The following RPA1 variants were observed in gnomAD, a reference collection of about 807,000 sequenced individuals.
The protein encoded by RPA1 is replication protein A1, also known as replication protein A 70 kDa DNA-binding subunit.
Under a neutral mutation model 83.0 loss-of-function variants are expected in RPA1, and 49 were observed. The ratio of observed to expected loss-of-function variants is 0.59; its 90% CI spans 0.47 to 0.75. The LOEUF is 0.75. RPA1 is among the 30% of genes least tolerant of loss of function. The pLI, the probability that RPA1 is intolerant of heterozygous loss-of-function variation, is 0.00. For synonymous variants in RPA1, 279 were observed against 281.8 expected (o/e 0.99, Z 0.10); for missense variants, 693 against 776.1 (o/e 0.89, Z 1.27).
intron 3 of RPA1, among the ~76,000 whole-genome samples, 175 bp downstream of exon 3, chr17:1,844,173 A>G (rs1436327618): frequency 6.6e-6 from 1 of 152,178 alleles, no homozygotes; most frequent in Non-Finnish European, 1.5e-5. Context: ...GACTGGAGGT[A>G]GTGGAAAGCT....
chr17:1,892,048 C>G (rs1914222750), intron 15 of RPA1, 108 bp downstream of exon 15: 6 of 644,826 alleles, frequency 9.3e-6, no homozygotes, highest in Non-Finnish European at 1.5e-5. Flanking sequence ...GCCCTGTTTC[C>G]TAGGCTGGAG....
chr17:1,862,128 G>A (rs1166255577), intron 5 of RPA1, among the ~76,000 whole-genome samples: 2 of 148,694 alleles, frequency 1.3e-5, no homozygotes, highest in African/African-American at 2.5e-5. Context: ...TCCTGACCTC[G>A]TGATCTGCCC....
chr17:1,878,555 G>A (rs1457939550), intron 8 of RPA1, among the ~76,000 whole-genome samples: 2 of 152,162 alleles, frequency 1.3e-5, no homozygotes, highest in Non-Finnish European at 2.9e-5. Context: ...CAATGGCTCC[G>A]AATGTGAAGT....
At chr17:1,889,776 C>G (rs17339116) in intron 14 of RPA1, among the ~76,000 whole-genome samples, 1 of 151,118 alleles carries the variant, frequency 6.6e-6, no homozygotes, top group Non-Finnish European at 1.5e-5. Context: ...GAGGCGGGTG[C>G]GTCACCTGAG....
At chr17:1,833,910 A>G (rs953448984) in intron 1 of RPA1, among the ~76,000 whole-genome samples, 11 of 152,208 alleles carry the variant, frequency 7.2e-5, no homozygotes, top group Admixed American at 6.5e-4. Flanking sequence ...GGCCAGGCGC[A>G]GTGGCTCATG....
chr17:1,852,822 TTG>T (rs1912546727), intron 4 of RPA1, among the ~76,000 whole-genome samples: 1 of 152,258 alleles, frequency 6.6e-6, no homozygotes, highest in Non-Finnish European at 1.5e-5. Flanking sequence ...CCATATATTC[TTG>T]TGTTTAGTAA....
chr17:1,842,970 C>CAAAAAAA, intron 2 of RPA1, 117 bp downstream of exon 2: 2 of 988,844 alleles, frequency 2.0e-6, no homozygotes, highest in Admixed American at 2.1e-5. Flanking sequence ...CCCCCAGTCA[C>CAAAAAAA]AAAAAATAGG....
In RPA1 at chr17:1,858,286, G is replaced by A. The variant is rs7214234; in HGVS notation, c.361+5097G>A. On this transcript the variant is annotated intron_variant, in intron 5 of 16. Transcript: ENST00000254719. Reference sequence around the variant, plus strand: ...AAAGTTCCCAGGGAGTAACACGGCCGACATGCCAAAAAGAGAGACCCCTGC... The same window carrying A: ...AAAGTTCCCAGGGAGTAACACGGCCAACATGCCAAAAAGAGAGACCCCTGC... 18,128 of 1,610,990 alleles carry A rather than the reference G, an allele frequency of 0.011. 1,578 individuals carry two copies. The African/African-American group carries it at 0.2, about 18-fold the overall frequency.
At chr17:1,863,314 C>T (rs1053285159) in intron 5 of RPA1, among the ~76,000 whole-genome samples, 2 of 151,396 alleles carry the variant, frequency 1.3e-5, no homozygotes, top group South Asian at 2.1e-4. Context: ...CGGGCTCAAG[C>T]GATTCTCCTG....
At chr17:1,880,718 G>C in intron 12 of RPA1, 27 bp downstream of exon 12, 1 of 1,608,696 alleles carries the variant, frequency 6.2e-7, no homozygotes, top group Non-Finnish European at 8.5e-7. Context: ...TAAACAAAGG[G>C]TTACTTGAGG....
intron 12 of RPA1, 112 bp downstream of exon 12, chr17:1,880,803 T>C: frequency 7.0e-7 from 1 of 1,420,956 alleles, no homozygotes; most frequent in Non-Finnish European, 9.6e-7. Context: ...CCCTGAGTGG[T>C]GCAGCTTCCG....
Position 1,844,018 on chromosome 17 carries a change from C to G in RPA1, c.163+20C>G, listed in dbSNP as rs967984272. On this transcript the variant is annotated intron_variant, in intron 3 of 16. Coordinates refer to ENST00000254719, the MANE Select transcript of RPA1 (RefSeq NM_002945.5). ...TATCCTGTGAGTATGGTGTATCCAT[C>G]TAGAAATGTGTGAGTATTTAAATAG... is the stretch of plus-strand genomic sequence containing the variant. 17 of 1,603,944 alleles carry G rather than the reference C, an allele frequency of 1.1e-5. No homozygotes were observed. The East Asian group carries it at 3.4e-4, about 32-fold the overall frequency.
intron 6 of RPA1, 104 bp from the exon 7 acceptor site, chr17:1,875,557 T>A (rs576715159): frequency 8.0e-7 from 1 of 1,251,104 alleles, no homozygotes; most frequent in Admixed American, 2.6e-5. Flanking sequence ...TGTTATATGA[T>A]TTCACTAGTG....
At position 1,830,179 on chromosome 17, in the gene RPA1, G is replaced by T. The variant is rs1911478924; in HGVS notation, c.33+53G>T. The T allele has an allele frequency of 4.9e-6, 6 of 1,218,394 alleles. No homozygotes were observed. In the Admixed American group the frequency reaches 1.3e-4, roughly 26 times the overall value. 75.5% of individuals were successfully genotyped at this position (1,218,394 alleles called of 1,614,324 possible). ...CGGTCCGGGGTGGCTGCGGCCCCGA[G>T]CCTCGCGGAGTAGAGAGGGGGAGGG... On this transcript the variant is annotated intron_variant, in intron 1 of 16. Coordinates refer to ENST00000254719, the MANE Select transcript of RPA1 (RefSeq NM_002945.5).
chr17:1,838,639 G>T (rs1597417505), intron 1 of RPA1, among the ~76,000 whole-genome samples: 1 of 149,734 alleles, frequency 6.7e-6, no homozygotes, highest in Admixed American at 6.6e-5. Flanking sequence ...TTGCCTACCC[G>T]ACCCAAGGTC....
intron 14 of RPA1, among the ~76,000 whole-genome samples, chr17:1,891,038 T>C (rs1304409858): frequency 1.3e-5 from 2 of 152,200 alleles, no homozygotes; most frequent in Admixed American, 1.3e-4. Context: ...TTTTTCGTCA[T>C]AACATTCTCT....
Position 1,884,716 on chromosome 17 carries a change from T to C in RPA1, c.1374+772T>C, listed in dbSNP as rs1289435183. On this transcript the variant is annotated intron_variant, in intron 13 of 16. Coordinates refer to ENST00000254719, the MANE Select transcript of RPA1 (RefSeq NM_002945.5). The surrounding 1 kb of genome is among the most constrained non-coding windows in gnomAD (Gnocchi z 4.1). ...GAATTAAACACTGGACAGATCCTCG[T>C]TGTCCTGTCATGGGACACCCACTCT... 6.6e-6 allele frequency among the ~76,000 whole-genome samples: 1 copy of C among 152,220 alleles called. No homozygotes were observed. The highest frequency in any genetic ancestry group is 1.9e-4 in the East Asian group (1 of 5,200).
intron 1 of RPA1, among the ~76,000 whole-genome samples, chr17:1,831,726 A>G (rs571286568): frequency 1.5e-4 from 22 of 144,552 alleles, no homozygotes; most frequent in East Asian, 4.2e-4. Flanking sequence ...AGCCTCCCGA[A>G]TAGCTGGGAC....
chr17:1,879,218 T>A lies in RPA1; in HGVS notation c.763T>A (p.Tyr255Asn), dbSNP rs1290649227. ...TGTGGCTTGGCCTCCTTCGCAGGTGTATTATTTCTCGAAAGGCACCCTGAA... is the reference window on the plus strand; with the variant it reads ...TGTGGCTTGGCCTCCTTCGCAGGTGAATTATTTCTCGAAAGGCACCCTGAA... Reference protein sequence around the residue: ...FFPLIEVNKVYYFSKGTLKIA... With the variant: ...FFPLIEVNKVNYFSKGTLKIA... The change falls in exon 10 of 17, where the codon TAT (tyrosine) becomes AAT (asparagine). Residue 255 changes from tyrosine to asparagine, a missense_variant. Tyr to Asn is a moderately radical substitution (Grantham distance 143). Transcript: ENST00000254719. The A allele has an allele frequency of 6.2e-7, 1 of 1,613,414 alleles. No individual in the cohort carries two copies. Among genetic ancestry groups the A allele is most frequent in the Non-Finnish European group, 8.5e-7 (1 of 1,179,654 alleles).
Sources: gnomAD v4.1 joint callset for allele counts (sites outside exome capture counted in the v4.1 genomes callset) on GRCh38, gnomAD v4.1.1 for gene constraint, Gnocchi (gnomAD v3.1) non-coding constraint, MANE v1.5 for transcripts, NCBI Gene and HGNC (gene_info 2026-07-23, HGNC 2026-07-21) for gene names.